RBFOX1: variants seen among roughly 807,000 people sequenced by gnomAD.
RBFOX1 encodes RNA binding protein fox-1 homolog 1.
RBFOX1 carries 8 observed loss-of-function variants against 57.7 expected under a neutral mutation model. The observed-to-expected ratio is 0.14, with a 90% CI of 0.08 to 0.25. The LOEUF (loss-of-function observed/expected upper bound fraction) is 0.25, where lower values mean the gene tolerates loss of function less well. RBFOX1 is among the 10% of genes least tolerant of loss of function. RBFOX1 has a pLI of 1.00. For missense variants in RBFOX1, 611 were observed against 548.5 expected (o/e 1.11, Z -1.14); for synonymous variants, 326 against 222.4 (o/e 1.47, Z -4.15).
intron 14 of RBFOX1, among the ~76,000 whole-genome samples, chr16:7,701,095 G>A (rs1047741447): frequency 3.3e-5 from 5 of 151,078 alleles, no homozygotes; most frequent in African/African-American, 1.2e-4. Context: ...GTTGAAAAAT[G>A]TGCTAAGTGA....
intron 14 of RBFOX1, among the ~76,000 whole-genome samples, chr16:7,703,068 C>G (rs1342066729): frequency 1.3e-5 from 2 of 152,140 alleles, no homozygotes; most frequent in Admixed American, 6.5e-5. Context: ...ATCCCTTTAG[C>G]TAGACCATGG....
chr16:7,518,728 C>G (rs1299950643), intron 5 of RBFOX1, among the ~76,000 whole-genome samples: 1 of 151,928 alleles, frequency 6.6e-6, no homozygotes, highest in Non-Finnish European at 1.5e-5. Context: ...AATTTTTCTT[C>G]AAGTCTTACG....
chr16:6,450,825 A>ACATG (rs2094593339), intron 2 of RBFOX1, among the ~76,000 whole-genome samples: 1 of 14,580 alleles, frequency 6.9e-5, no homozygotes, highest in Non-Finnish European at 1.1e-4. Context: ...ATACATATAT[A>ACATG]TATATATATA....
chr16:5,819,673 C>G (rs1023243108), intron 3 of RBFOX1, among the ~76,000 whole-genome samples: 1 of 152,272 alleles, frequency 6.6e-6, no homozygotes, highest in African/African-American at 2.4e-5. Context: ...AGGCCCTTAT[C>G]TATGCTGCTC....
chr16:6,961,159 ACACG>A (rs796611977), intron 3 of RBFOX1, among the ~76,000 whole-genome samples: 2 of 151,254 alleles, frequency 1.3e-5, no homozygotes, highest in Non-Finnish European at 3.0e-5. Context: ...ACAGACACAC[ACACG>A]CAAAAGAAAG....
chr16:6,641,967 C>T (rs2098494643), intron 2 of RBFOX1, among the ~76,000 whole-genome samples: 3 of 152,200 alleles, frequency 2.0e-5, no homozygotes, highest in Admixed American at 6.5e-5. Flanking sequence ...GTTAATTATT[C>T]ACAGGAACCC....
At chr16:6,167,826 C>T (rs2096928958) in intron 1 of RBFOX1, among the ~76,000 whole-genome samples, 1 of 152,130 alleles carries the variant, frequency 6.6e-6, no homozygotes, top group South Asian at 2.1e-4. Context: ...CCATAGCAGG[C>T]ATCTAAGGCT....
At chr16:5,812,826 T>A (rs1030121328) in intron 3 of RBFOX1, among the ~76,000 whole-genome samples, 4 of 152,130 alleles carry the variant, frequency 2.6e-5, no homozygotes, top group African/African-American at 7.2e-5. Flanking sequence ...TGATTTTAAT[T>A]TGCATTTTCC....
chr16:5,592,014 TTGTC>T (rs1455987691), intron 2 of RBFOX1, among the ~76,000 whole-genome samples: 1 of 152,232 alleles, frequency 6.6e-6, no homozygotes, highest in African/African-American at 2.4e-5. Context: ...AATTTCTTCT[TTGTC>T]AGTCTCCGTA....
chr16:7,249,254 C>G (rs556128621), intron 4 of RBFOX1, among the ~76,000 whole-genome samples: 7 of 152,196 alleles, frequency 4.6e-5, no homozygotes, highest in South Asian at 2.1e-4. Context: ...TTTTTCCCTT[C>G]TCTTCATTGT....
At chr16:6,905,015 A>G (rs1366969488) in intron 3 of RBFOX1, among the ~76,000 whole-genome samples, 3 of 152,156 alleles carry the variant, frequency 2.0e-5, no homozygotes, top group African/African-American at 7.2e-5. Flanking sequence ...TAGCATGGTA[A>G]AAGAGTTAGA....
intron 1 of RBFOX1, among the ~76,000 whole-genome samples, chr16:6,296,759 T>A (rs2078163670): frequency 6.6e-6 from 1 of 152,124 alleles, no homozygotes; most frequent in South Asian, 2.1e-4. Context: ...CATGGCACTG[T>A]TAGTGATCAG....
At chr16:5,996,503 G>A (rs944719594) in intron 4 of RBFOX1, among the ~76,000 whole-genome samples, 10 of 150,246 alleles carry the variant, frequency 6.7e-5, no homozygotes, top group Non-Finnish European at 1.5e-4. Flanking sequence ...GTGTAGATTA[G>A]TGGAGGTCCT....
intron 4 of RBFOX1, among the ~76,000 whole-genome samples, chr16:7,128,866 G>C (rs112559175): frequency 0.029 from 4,219 of 146,876 alleles, 205 homozygotes; most frequent in African/African-American, 0.1. Context: ...TTGTCGCCAG[G>C]CTGGAGTGCA....
intron 3 of RBFOX1, among the ~76,000 whole-genome samples, chr16:6,755,237 G>T (rs994791746): frequency 6.6e-6 from 1 of 152,160 alleles, no homozygotes; most frequent in African/African-American, 2.4e-5. Context: ...GGATGGCTGG[G>T]TCAAATGGTA....
At chr16:6,316,783 C>G (rs1352702202) in intron 1 of RBFOX1, among the ~76,000 whole-genome samples, 4 of 152,146 alleles carry the variant, frequency 2.6e-5, no homozygotes, top group Admixed American at 1.3e-4. Context: ...GATAATAACA[C>G]CTTCTTTGCC....
intron 1 of RBFOX1, among the ~76,000 whole-genome samples, chr16:6,134,954 C>A (rs977654266): frequency 1.3e-5 from 2 of 152,054 alleles, no homozygotes; most frequent in Non-Finnish European, 2.9e-5. Flanking sequence ...ATTAACTCAT[C>A]GTTTAACATT....
At chr16:6,695,575 A>G (rs1477303080) in intron 3 of RBFOX1, among the ~76,000 whole-genome samples, 4 of 46,006 alleles carry the variant, frequency 8.7e-5, no homozygotes, top group African/African-American at 1.4e-4. Flanking sequence ...TTCAAGTATG[A>G]GATATAGAAT....
intron 14 of RBFOX1, 71 bp from the exon 15 acceptor site, chr16:7,708,985 T>G: frequency 6.9e-7 from 1 of 1,440,010 alleles, no homozygotes; most frequent in Non-Finnish European, 9.8e-7. Flanking sequence ...CTTGGTATTT[T>G]GGATTTTATG....
Sources: gnomAD v4.1 joint callset for allele counts (sites outside exome capture counted in the v4.1 genomes callset) on GRCh38, gnomAD v4.1.1 for gene constraint, MANE v1.5 for transcripts, NCBI Gene and HGNC (gene_info 2026-07-23, HGNC 2026-07-21) for gene names.